Variants in GFOD2 observed in about 807,000 individuals in gnomAD.
GFOD2 encodes glucose-fructose oxidoreductase domain-containing protein 2.
GFOD2 carries 9 observed loss-of-function variants against 24.6 expected under a neutral mutation model. The ratio of observed to expected loss-of-function variants is 0.37; its 90% CI spans 0.22 to 0.64. The LOEUF (loss-of-function observed/expected upper bound fraction) is 0.64. Among genes scored for constraint, GFOD2 ranks in the 30% least tolerant of loss-of-function variants. The pLI is 0.65. For synonymous variants in GFOD2, 211 were observed against 224.8 expected, an observed-to-expected ratio of 0.94 and a Z score of 0.55; for missense variants, 476 against 532.5, an observed-to-expected ratio of 0.89 and a Z score of 1.04.
intron 2 of GFOD2, chr16:67,685,023 T>C: frequency 1.8e-6 from 2 of 1,087,364 alleles, no homozygotes; most frequent in Non-Finnish European, 2.2e-6. Flanking sequence ...CTCACTATAG[T>C]CAAACGCTGA....
rs2053180177 is a variant in GFOD2, at chr16:67,675,758, CAGGTCCACAATGT to C, written c.542_554del (p.Tyr181CysfsTer2). The C allele has an allele frequency of 6.2e-7, 1 of 1,614,004 alleles. No individual in the cohort carries two copies. Among genetic ancestry groups the C allele is most frequent in the South Asian group, 1.1e-5 (1 of 91,090 alleles). The stretch of plus-strand genomic sequence containing the variant: ...CTCTCCGGCCGGTCAGGTGGGTCAG[CAGGTCCACAATGT>C]AGGTCCCCATGGTGTGCAAGCCCCC... On this transcript the variant is annotated frameshift_variant, in exon 3 of 3. Coordinates refer to ENST00000268797, the MANE Select transcript of GFOD2 (RefSeq NM_030819.4). LOFTEE classifies it high-confidence loss of function.
At position 67,715,235 on chromosome 16, in the gene GFOD2, T is replaced by C. The variant is rs528006422; in HGVS notation, c.-88+3928A>G. 3.3e-5 allele frequency among the ~76,000 whole-genome samples: 5 copies of C among 152,312 alleles called. No homozygotes were observed. In the South Asian group the frequency reaches 8.3e-4, roughly 25 times the overall value. ...CATCACACCCAGCTAATTTTTTGTA[T>C]TTTTAGTACAGACGGGGTTTCACTA... On this transcript the variant is annotated intron_variant, in intron 1 of 2. Coordinates refer to ENST00000268797, the MANE Select transcript of GFOD2 (RefSeq NM_030819.4).
chr16:67,696,303 G>A (rs1236448772), intron 1 of GFOD2, among the ~76,000 whole-genome samples: 20 of 150,470 alleles, frequency 1.3e-4, no homozygotes, highest in African/African-American at 4.4e-4. Context: ...GTGAGCCACC[G>A]CGCCCGGCCG....
intron 1 of GFOD2, among the ~76,000 whole-genome samples, chr16:67,698,618 A>C (rs2053375836): frequency 6.6e-6 from 1 of 152,136 alleles, no homozygotes. Context: ...AGCTGGGATT[A>C]CAGGTGTGCG....
At chr16:67,696,901 G>C (rs747791195) in intron 1 of GFOD2, among the ~76,000 whole-genome samples, 6 of 152,222 alleles carry the variant, frequency 3.9e-5, no homozygotes, top group Non-Finnish European at 7.3e-5. Flanking sequence ...TGCTGACTAG[G>C]TATTTCCTGC....
At chr16:67,681,318 T>A in intron 2 of GFOD2, 1 of 985,450 alleles carries the variant, frequency 1.0e-6, no homozygotes, top group East Asian at 1.1e-4. Flanking sequence ...CTTTTATGAC[T>A]GCTAGGAGTT....
chr16:67,693,201 C>A (rs561804401), intron 1 of GFOD2, among the ~76,000 whole-genome samples: 2 of 152,268 alleles, frequency 1.3e-5, no homozygotes, highest in East Asian at 3.9e-4. Flanking sequence ...GGGAGTAGCA[C>A]TGCATCTGCA....
At chr16:67,697,917 G>A (rs148256187) in intron 1 of GFOD2, among the ~76,000 whole-genome samples, 4,496 of 152,298 alleles carry the variant, frequency 0.03, 99 homozygotes, top group Middle Eastern at 0.16. Flanking sequence ...AACTGGTGGC[G>A]TAAAGTGTTA....
chr16:67,690,342 CTGG>C (rs984050436), intron 1 of GFOD2, among the ~76,000 whole-genome samples: 3 of 151,834 alleles, frequency 2.0e-5, no homozygotes, highest in African/African-American at 7.3e-5. Context: ...TTGTTATTTT[CTGG>C]TGTTTTTTGT....
intron 2 of GFOD2, among the ~76,000 whole-genome samples, chr16:67,679,909 C>CA (rs1291533295): frequency 4.0e-5 from 6 of 150,828 alleles, no homozygotes; most frequent in African/African-American, 1.2e-4. Context: ...ACAACAACAA[C>CA]AACAAAAAAA....
intron 2 of GFOD2, among the ~76,000 whole-genome samples, chr16:67,679,035 C>T (rs560544457): frequency 1.3e-5 from 2 of 152,042 alleles, no homozygotes; most frequent in Non-Finnish European, 2.9e-5. Flanking sequence ...GGCGTGGTGG[C>T]GTGTACCTGT....
At chr16:67,709,843 G>A (rs1265448756) in intron 1 of GFOD2, among the ~76,000 whole-genome samples, 1 of 152,122 alleles carries the variant, frequency 6.6e-6, no homozygotes, top group Non-Finnish European at 1.5e-5. Flanking sequence ...CTTGAGGCTG[G>A]TATTCAACTC....
chr16:67,685,885 T>A lies in GFOD2; in HGVS notation c.-87-83A>T. On this transcript the variant is annotated intron_variant, in intron 1 of 2. Transcript: ENST00000268797. ...TTTCTTTTTTTTTTGAGATGGAGTC[T>A]CGCTCTGTTGCCCAAGCTGGAGTGC... is the stretch of plus-strand genomic sequence containing the variant. The A allele has an allele frequency of 3.9e-6, 3 of 770,498 alleles. No individual in the cohort carries two copies. In the South Asian group the frequency reaches 5.8e-5, roughly 15 times the overall value. The allele number at this position is 770,498 out of a possible 1,614,324, so 47.7% of individuals were successfully genotyped here. A position where few individuals can be genotyped will look rare whatever the true frequency, so the allele number is the denominator to read the frequency against.
chr16:67,694,158 C>T (rs1445855104), intron 1 of GFOD2, among the ~76,000 whole-genome samples: 1 of 152,096 alleles, frequency 6.6e-6, no homozygotes, highest in African/African-American at 2.4e-5. Context: ...TCACACCTGG[C>T]TAATTTTTTT....
At chr16:67,691,273 T>A (rs1330450219) in intron 1 of GFOD2, among the ~76,000 whole-genome samples, 1 of 152,130 alleles carries the variant, frequency 6.6e-6, no homozygotes, top group African/African-American at 2.4e-5. Context: ...AATGGCTTGA[T>A]CATGGCTCAC....
At chr16:67,684,856 G>T in intron 2 of GFOD2, 1 of 989,608 alleles carries the variant, frequency 1.0e-6, no homozygotes, top group Non-Finnish European at 1.2e-6. Flanking sequence ...GCCATGCCCA[G>T]TCAGGGGCAA....
At chr16:67,699,153 T>C (rs921461716) in intron 1 of GFOD2, among the ~76,000 whole-genome samples, 3 of 151,920 alleles carry the variant, frequency 2.0e-5, no homozygotes, top group African/African-American at 4.8e-5. Context: ...CCATCCTGGC[T>C]GACATGGTGA....
chr16:67,681,960 G>A, intron 2 of GFOD2: 1 of 863,984 alleles, frequency 1.2e-6, no homozygotes, highest in Non-Finnish European at 1.4e-6. Flanking sequence ...TAGGATGATT[G>A]CCTGAGGTTA....
rs774375730 is a variant in GFOD2 at position 67,685,493 on chromosome 16, G to C, written c.223C>G (p.Pro75Ala). The C allele has an allele frequency of 9.3e-6, 15 of 1,614,056 alleles. No homozygotes were observed. The highest frequency in any genetic ancestry group is 1.3e-5 in the Non-Finnish European group (15 of 1,180,032). Residue 75 changes from proline (P) to alanine (A), a missense_variant, in exon 2 of 3, where the codon CCT becomes GCT. Transcript: ENST00000268797. ...DVDLVCISIP[P>A]PLTRQISVKA... ...ACGGATATCTGCCGGGTGAGTGGAGGGGGGATGCTGATGCACACCAGATCC... is the reference window on the plus strand; with the variant it reads ...ACGGATATCTGCCGGGTGAGTGGAGCGGGGATGCTGATGCACACCAGATCC...
Sources: allele counts gnomAD v4.1 joint callset (sites outside exome capture counted in the v4.1 genomes callset), GRCh38; gene constraint gnomAD v4.1.1; transcripts MANE v1.5; gene names NCBI Gene and HGNC (gene_info 2026-07-23, HGNC 2026-07-21).